The following CDH18 variants were observed in gnomAD, a reference collection of about 807,000 sequenced individuals.
CDH18 encodes cadherin-18.
Under a neutral mutation model 67.9 loss-of-function variants are expected in CDH18, and 31 were observed. The ratio of observed to expected loss-of-function variants is 0.46; its 90% CI spans 0.34 to 0.62. The LOEUF (loss-of-function observed/expected upper bound fraction) is 0.62, where lower values mean the gene tolerates loss of function less well. Among genes scored for constraint, CDH18 ranks in the 20% least tolerant of loss-of-function variants. The probability of loss-of-function intolerance (pLI) is 0.01; values close to 1 mark genes in which losing one functional copy is unlikely to be tolerated. For missense variants in CDH18, 890 were observed against 975.5 expected, an observed-to-expected ratio of 0.91 and a Z score of 1.17; for synonymous variants, 362 against 347.2, an observed-to-expected ratio of 1.04 and a Z score of -0.48.
At chr5:20,550,916 G>A (rs1018159670) in intron 1 of CDH18, among the ~76,000 whole-genome samples, 1 of 152,186 alleles carries the variant, frequency 6.6e-6, no homozygotes, top group African/African-American at 2.4e-5. Flanking sequence ...CATGGCAAGG[G>A]AGGGAGCTAG....
intron 1 of CDH18, among the ~76,000 whole-genome samples, chr5:20,499,179 C>T (rs1754090502): frequency 6.6e-6 from 1 of 151,954 alleles, no homozygotes; most frequent in Admixed American, 6.6e-5. Context: ...GTTCCAGGAT[C>T]CCCATGGATA....
chr5:19,969,837 A>C (rs1385586633), intron 2 of CDH18, among the ~76,000 whole-genome samples: 1 of 152,136 alleles, frequency 6.6e-6, no homozygotes, highest in African/African-American at 2.4e-5. Context: ...TAAAACTTAA[A>C]GTATAATAAT....
chr5:19,583,398 C>T (rs1228475232), intron 7 of CDH18, among the ~76,000 whole-genome samples: 4 of 152,018 alleles, frequency 2.6e-5, no homozygotes, highest in South Asian at 2.1e-4. Flanking sequence ...CGATATTTAA[C>T]GTAAACTTAA....
intron 2 of CDH18, among the ~76,000 whole-genome samples, chr5:20,035,203 A>C (rs1484328121): frequency 6.6e-6 from 1 of 152,008 alleles, no homozygotes; most frequent in Non-Finnish European, 1.5e-5. Context: ...TTAGCCATTA[A>C]ATTTGGGGAT....
intron 2 of CDH18, among the ~76,000 whole-genome samples, chr5:19,999,967 T>C (rs1260274229): frequency 6.6e-6 from 1 of 152,120 alleles, no homozygotes; most frequent in Non-Finnish European, 1.5e-5. Context: ...ATTCATATAG[T>C]CCCCCAATTA....
At chr5:20,416,951 T>G (rs1261736671) in intron 1 of CDH18, among the ~76,000 whole-genome samples, 3 of 152,032 alleles carry the variant, frequency 2.0e-5, no homozygotes, top group African/African-American at 2.4e-5. Context: ...TAGTATATAG[T>G]AAAAAGTTAT....
At chr5:20,514,086 A>T (rs917422461) in intron 1 of CDH18, among the ~76,000 whole-genome samples, 1 of 152,260 alleles carries the variant, frequency 6.6e-6, no homozygotes, top group East Asian at 1.9e-4. Flanking sequence ...AAAACAGTAT[A>T]TAAAATTTTC....
At chr5:19,786,009 G>T (rs1775738082) in intron 3 of CDH18, among the ~76,000 whole-genome samples, 1 of 151,758 alleles carries the variant, frequency 6.6e-6, no homozygotes, top group South Asian at 2.1e-4. Context: ...CTTTGAAGCA[G>T]CAGGAGGATT....
At chr5:19,955,673 T>C (rs1311786513) in intron 2 of CDH18, among the ~76,000 whole-genome samples, 2 of 152,016 alleles carry the variant, frequency 1.3e-5, no homozygotes, top group Non-Finnish European at 2.9e-5. Flanking sequence ...TGCTAAAGAA[T>C]TTAATGAAAT....
chr5:20,244,185 C>T (rs901491255), intron 2 of CDH18, among the ~76,000 whole-genome samples: 4 of 151,826 alleles, frequency 2.6e-5, no homozygotes, highest in Non-Finnish European at 4.4e-5. Context: ...TAACAACCTC[C>T]GCTGAAGGTG....
At chr5:19,972,267 T>A (rs1798102388) in intron 2 of CDH18, among the ~76,000 whole-genome samples, 1 of 152,052 alleles carries the variant, frequency 6.6e-6, no homozygotes. Context: ...ATAAATATAC[T>A]TAGTATATTG....
intron 5 of CDH18, among the ~76,000 whole-genome samples, chr5:19,642,511 T>C (rs1234317328): frequency 6.6e-6 from 1 of 151,958 alleles, no homozygotes; most frequent in Non-Finnish European, 1.5e-5. Flanking sequence ...AGAGAGCTAA[T>C]AAAGAAATTC....
intron 2 of CDH18, among the ~76,000 whole-genome samples, chr5:19,877,168 G>A (rs539456729): frequency 1.1e-4 from 16 of 152,118 alleles, no homozygotes; most frequent in South Asian, 2.1e-4. Flanking sequence ...TGAAGCAAGC[G>A]TGCTACAGTT....
chr5:19,676,373 G>C (rs1469653751), intron 5 of CDH18, among the ~76,000 whole-genome samples: 3 of 151,958 alleles, frequency 2.0e-5, no homozygotes, highest in East Asian at 1.9e-4. Context: ...TAAGATGACT[G>C]TTCCTATTAT....
At chr5:19,527,347 T>G (rs1411022037) in intron 9 of CDH18, among the ~76,000 whole-genome samples, 1 of 151,692 alleles carries the variant, frequency 6.6e-6, no homozygotes, top group African/African-American at 2.4e-5. Context: ...TATAATACTA[T>G]TAAATCTACT....
At chr5:20,544,595 G>A (rs1757236486) in intron 1 of CDH18, among the ~76,000 whole-genome samples, 1 of 152,002 alleles carries the variant, frequency 6.6e-6, no homozygotes, top group Non-Finnish European at 1.5e-5. Context: ...GAGAGGGAAA[G>A]TGCCACACTT....
At chr5:20,094,139 G>A (rs1240228728) in intron 2 of CDH18, among the ~76,000 whole-genome samples, 3 of 152,090 alleles carry the variant, frequency 2.0e-5, no homozygotes, top group African/African-American at 7.2e-5. Flanking sequence ...TTTAAATTAA[G>A]TATCATCACA....
rs568348163 is a variant in CDH18 at position 19,671,985 on chromosome 5, A to T, written c.643+49362T>A. The stretch of plus-strand genomic sequence containing the variant: ...GTATTCACAGTCAATGCAAATACAG[A>T]TGATACATTATTATTTCATGGTATA... On this transcript the variant is annotated intron_variant, in intron 5 of 12. Coordinates refer to ENST00000382275, the MANE Select transcript of CDH18 (RefSeq NM_004934.5). 2.6e-5 allele frequency among the ~76,000 whole-genome samples: 4 copies of T among 152,266 alleles called. No homozygotes were observed. The South Asian group carries it at 8.3e-4, about 32-fold the overall frequency.
chr5:19,842,432 T>C (rs1473557312), intron 2 of CDH18, among the ~76,000 whole-genome samples: 1 of 152,182 alleles, frequency 6.6e-6, no homozygotes, highest in Non-Finnish European at 1.5e-5. Context: ...CTCTTCTCCC[T>C]TCACTCTGCA....
Sources: allele counts gnomAD v4.1 joint callset (sites outside exome capture counted in the v4.1 genomes callset), GRCh38; gene constraint gnomAD v4.1.1; transcripts MANE v1.5; gene names NCBI Gene and HGNC (gene_info 2026-07-23, HGNC 2026-07-21).